The following DENND1A variants were observed in gnomAD, a reference collection of about 807,000 sequenced individuals.
DENND1A encodes the protein DENN domain-containing protein 1A.
DENND1A carries 51 observed loss-of-function variants against 113.7 expected under a neutral mutation model. That is an observed-to-expected ratio of 0.45 (90% CI 0.36 to 0.57). DENND1A has a LOEUF of 0.57. DENND1A is among the 20% of genes least tolerant of loss of function. DENND1A has a pLI of 0.00. For missense variants in DENND1A, 1,258 were observed against 1,395.9 expected (o/e 0.90, Z 1.57); for synonymous variants, 565 against 570.8 (o/e 0.99, Z 0.14).
chr9:123,898,978 G>A (rs1027664648), intron 1 of DENND1A, among the ~76,000 whole-genome samples: 1 of 152,206 alleles, frequency 6.6e-6, no homozygotes, highest in African/African-American at 2.4e-5. Flanking sequence ...CACCCTTTCT[G>A]AATTTCCACT....
intron 5 of DENND1A, among the ~76,000 whole-genome samples, chr9:123,718,267 T>G (rs767061600): frequency 6.6e-6 from 1 of 152,156 alleles, no homozygotes; most frequent in African/African-American, 2.4e-5. Flanking sequence ...GGGCTCCCAA[T>G]CCACCCAGGG....
chr9:123,834,185 A>G (rs1469247882), intron 2 of DENND1A, among the ~76,000 whole-genome samples: 2 of 152,224 alleles, frequency 1.3e-5, no homozygotes, highest in Non-Finnish European at 2.9e-5. Flanking sequence ...AAGAAAATAG[A>G]TAAAAGGAAT....
intron 13 of DENND1A, among the ~76,000 whole-genome samples, chr9:123,489,996 T>C (rs937100171): frequency 1.1e-4 from 16 of 152,070 alleles, no homozygotes; most frequent in African/African-American, 3.9e-4. Flanking sequence ...ACCAGAAAAA[T>C]TCTCAGGAGA....
chr9:123,853,536 C>T (rs1162200896), intron 2 of DENND1A, among the ~76,000 whole-genome samples: 6 of 151,820 alleles, frequency 4.0e-5, no homozygotes, highest in Non-Finnish European at 7.4e-5. Flanking sequence ...TGGTGGCAGG[C>T]GCCTGTAATC....
At chr9:123,420,930 A>T (rs1413320890) in intron 19 of DENND1A, among the ~76,000 whole-genome samples, 1 of 151,632 alleles carries the variant, frequency 6.6e-6, no homozygotes, top group South Asian at 2.1e-4. Context: ...GCAGGTGCAC[A>T]GTCTGAATAG....
At chr9:123,540,693 C>T (rs1238324556) in intron 13 of DENND1A, among the ~76,000 whole-genome samples, 2 of 152,148 alleles carry the variant, frequency 1.3e-5, no homozygotes, top group African/African-American at 4.8e-5. Flanking sequence ...GTCTGTGAAA[C>T]CAGAGAGACG....
intron 2 of DENND1A, among the ~76,000 whole-genome samples, chr9:123,801,628 G>A (rs1834684816): frequency 6.6e-6 from 1 of 152,044 alleles, no homozygotes; most frequent in Non-Finnish European, 1.5e-5. Flanking sequence ...CACTTCTTTT[G>A]CATATATATC....
chr9:123,928,833 A>G, intron 1 of DENND1A: 1 of 985,472 alleles, frequency 1.0e-6, no homozygotes, highest in Non-Finnish European at 1.2e-6. Flanking sequence ...GCTGAAATAA[A>G]CACATTCCAC....
intron 2 of DENND1A, among the ~76,000 whole-genome samples, chr9:123,865,535 T>A (rs1294982293): frequency 6.6e-6 from 1 of 152,218 alleles, no homozygotes; most frequent in Non-Finnish European, 1.5e-5. Flanking sequence ...GAGGACAGGA[T>A]CAGGGGATGT....
intron 13 of DENND1A, among the ~76,000 whole-genome samples, chr9:123,509,265 C>T (rs768556633): frequency 2.0e-5 from 3 of 152,208 alleles, no homozygotes; most frequent in South Asian, 2.1e-4. Flanking sequence ...AACAAGACTT[C>T]GCAGAAGACG....
chr9:123,787,169 CA>C (rs5900587), intron 3 of DENND1A, among the ~76,000 whole-genome samples: 1 of 151,392 alleles, frequency 6.6e-6, no homozygotes, highest in South Asian at 2.1e-4. Context: ...AATAATGATG[CA>C]AAAAAAATCA....
intron 19 of DENND1A, among the ~76,000 whole-genome samples, chr9:123,419,948 G>A (rs2045105411): frequency 1.3e-5 from 2 of 152,232 alleles, no homozygotes; most frequent in Admixed American, 6.5e-5. Context: ...AGGCCCTGGT[G>A]TCACGTAGCG....
At chr9:123,594,414 G>A (rs1368983342) in intron 11 of DENND1A, among the ~76,000 whole-genome samples, 1 of 152,080 alleles carries the variant, frequency 6.6e-6, no homozygotes, top group East Asian at 1.9e-4. Flanking sequence ...TAACTCGTCG[G>A]AAATCACATG....
chr9:123,752,352 G>A (rs1272888243), intron 5 of DENND1A, among the ~76,000 whole-genome samples: 1 of 152,106 alleles, frequency 6.6e-6, no homozygotes, highest in Non-Finnish European at 1.5e-5. Context: ...AATTTAAAAA[G>A]TTAAACTAAA....
chr9:123,581,763 C>T (rs766982685), intron 12 of DENND1A, among the ~76,000 whole-genome samples: 35 of 152,314 alleles, frequency 2.3e-4, no homozygotes, highest in Non-Finnish European at 3.4e-4. Flanking sequence ...AACACTTCCC[C>T]GACCAGGACA....
intron 5 of DENND1A, among the ~76,000 whole-genome samples, chr9:123,689,279 C>T (rs58163671): frequency 0.24 from 35,749 of 152,072 alleles, 4,645 homozygotes; most frequent in Admixed American, 0.28. Flanking sequence ...CCTGCCTTGG[C>T]CTCCCAAAGT....
chr9:123,421,179 G>A (rs2045268121), intron 19 of DENND1A, among the ~76,000 whole-genome samples: 1 of 150,500 alleles, frequency 6.6e-6, no homozygotes, highest in Non-Finnish European at 1.5e-5. Flanking sequence ...TCTCCTCTCT[G>A]GGGCTACTAT....
At chr9:123,789,149 C>G (rs948648288) in intron 3 of DENND1A, among the ~76,000 whole-genome samples, 2 of 151,216 alleles carry the variant, frequency 1.3e-5, no homozygotes, top group African/African-American at 4.9e-5. Flanking sequence ...TTAAAGATAG[C>G]AGGCTTACCA....
At chr9:123,923,365 C>G (rs1382864051) in intron 1 of DENND1A, among the ~76,000 whole-genome samples, 1 of 152,160 alleles carries the variant, frequency 6.6e-6, no homozygotes. Flanking sequence ...GACTTTTATT[C>G]CACCACTCCA....
Sources: allele counts gnomAD v4.1 joint callset (sites outside exome capture counted in the v4.1 genomes callset), GRCh38; gene constraint gnomAD v4.1.1; transcripts MANE v1.5; gene names NCBI Gene and HGNC (gene_info 2026-07-23, HGNC 2026-07-21).